OPCML: variants seen among roughly 807,000 people sequenced by gnomAD.
The protein encoded by OPCML is opioid binding protein/cell adhesion molecule like.
A neutral mutation model predicts 37.8 loss-of-function variants in OPCML; 13 were observed. That is an observed-to-expected ratio of 0.34 (90% CI 0.22 to 0.55). The LOEUF (loss-of-function observed/expected upper bound fraction) is 0.55, where lower values mean the gene tolerates loss of function less well. Among genes scored for constraint, OPCML ranks in the 20% least tolerant of loss-of-function variants. The probability of loss-of-function intolerance (pLI) is 0.91; values close to 1 mark genes in which losing one functional copy is unlikely to be tolerated. For missense variants in OPCML, 341 were observed against 435.6 expected (o/e 0.78, Z 1.93); for synonymous variants, 176 against 168.8 (o/e 1.04, Z -0.33).
intron 3 of OPCML, among the ~76,000 whole-genome samples, chr11:132,556,886 C>A (rs1056414295): frequency 6.6e-6 from 1 of 152,140 alleles, no homozygotes; most frequent in African/African-American, 2.4e-5. Flanking sequence ...TATTAAACTC[C>A]ACTTTGTCTT....
intron 1 of OPCML, among the ~76,000 whole-genome samples, chr11:133,308,500 T>C (rs1942984471): frequency 6.6e-6 from 1 of 152,152 alleles, no homozygotes. Context: ...AAGCTATCAA[T>C]ATGGACTCAT....
chr11:133,031,068 C>T (rs35726682), intron 1 of OPCML, among the ~76,000 whole-genome samples: 27 of 152,290 alleles, frequency 1.8e-4, no homozygotes, highest in South Asian at 1.7e-3. Flanking sequence ...TCTGTAAGCA[C>T]GGGCTTTGTT....
chr11:132,844,947 T>TAAA (rs33983059), intron 2 of OPCML, among the ~76,000 whole-genome samples: 134 of 141,816 alleles, frequency 9.4e-4, no homozygotes, highest in East Asian at 1.4e-3. Flanking sequence ...AAAGGAAATG[T>TAAA]AAAAAAAAAA....
intron 3 of OPCML, among the ~76,000 whole-genome samples, chr11:132,558,582 A>G (rs2096403521): frequency 6.8e-6 from 1 of 147,214 alleles, no homozygotes; most frequent in Non-Finnish European, 1.5e-5. Context: ...AACAAGAACA[A>G]CAAGTTTACC....
intron 2 of OPCML, among the ~76,000 whole-genome samples, chr11:132,819,837 G>A (rs775322089): frequency 2.0e-5 from 3 of 152,078 alleles, no homozygotes; most frequent in Non-Finnish European, 4.4e-5. Flanking sequence ...CAAACAGCTC[G>A]CTAAAAAACA....
chr11:132,825,337 C>G (rs1940240860), intron 2 of OPCML, among the ~76,000 whole-genome samples: 1 of 152,136 alleles, frequency 6.6e-6, no homozygotes, highest in East Asian at 1.9e-4. Flanking sequence ...ATTGAAAACC[C>G]TCAACTATGC....
intron 3 of OPCML, among the ~76,000 whole-genome samples, chr11:132,599,329 A>AAGG (rs112219551): frequency 2.0e-5 from 3 of 147,546 alleles, no homozygotes; most frequent in South Asian, 2.2e-4. Flanking sequence ...GGAGGAGAAG[A>AAGG]AGGAGGAGGA....
At chr11:133,470,327 C>T (rs1947075666) in intron 1 of OPCML, among the ~76,000 whole-genome samples, 1 of 152,206 alleles carries the variant, frequency 6.6e-6, no homozygotes, top group South Asian at 2.1e-4. Flanking sequence ...TCTAAGACTG[C>T]ACTAATGAGT....
chr11:133,506,527 C>A (rs999391002), intron 1 of OPCML, among the ~76,000 whole-genome samples: 1 of 152,154 alleles, frequency 6.6e-6, no homozygotes, highest in Non-Finnish European at 1.5e-5. Flanking sequence ...CCTGCTCTGG[C>A]GTTGTGATCC....
At chr11:133,083,054 C>A (rs934773306) in intron 1 of OPCML, among the ~76,000 whole-genome samples, 4 of 108,384 alleles carry the variant, frequency 3.7e-5, no homozygotes, top group African/African-American at 1.2e-4. Context: ...CCTGGTGGAG[C>A]CACAGGGCAC....
chr11:132,711,796 A>G (rs1944273138), intron 2 of OPCML, among the ~76,000 whole-genome samples: 1 of 152,238 alleles, frequency 6.6e-6, no homozygotes, highest in Admixed American at 6.5e-5. Context: ...TACCTTACAT[A>G]TGCTATATGT....
At chr11:132,597,802 T>C (rs1488296570) in intron 3 of OPCML, among the ~76,000 whole-genome samples, 1 of 152,176 alleles carries the variant, frequency 6.6e-6, no homozygotes, top group Non-Finnish European at 1.5e-5. Flanking sequence ...TATATAAGGA[T>C]AAAACACACG....
intron 4 of OPCML, among the ~76,000 whole-genome samples, chr11:132,479,189 G>C (rs2096168598): frequency 6.6e-6 from 1 of 152,130 alleles, no homozygotes; most frequent in African/African-American, 2.4e-5. Context: ...AGCCAAAAAA[G>C]GGCGAGGCAT....
chr11:132,611,192 G>A (rs1938617240), intron 3 of OPCML, among the ~76,000 whole-genome samples: 1 of 152,164 alleles, frequency 6.6e-6, no homozygotes, highest in African/African-American at 2.4e-5. Context: ...GATGTTGTAT[G>A]TTCATTTTGA....
intron 2 of OPCML, among the ~76,000 whole-genome samples, chr11:132,850,516 G>GGTGTGTGTGT (rs66934308): frequency 1.3e-4 from 19 of 148,122 alleles, no homozygotes; most frequent in African/African-American, 4.7e-4. Flanking sequence ...CTGTGGAAAG[G>GGTGTGTGTGT]GTGTGTGTGT....
rs1360541200 is a variant in OPCML at position 133,439,446 on chromosome 11, G to GT, written c.61+92817dup. The GT allele has an allele frequency of 9.1e-6, 9 of 984,620 alleles. No homozygotes were observed. In the Admixed American group the frequency reaches 3.1e-4, roughly 34 times the overall value. 61.0% of individuals were successfully genotyped at this position (984,620 alleles called of 1,614,324 possible). A position where few individuals can be genotyped will look rare whatever the true frequency, so the allele number is the denominator to read the frequency against. On this transcript the variant is annotated intron_variant, in intron 1 of 7. Coordinates refer to ENST00000524381, the MANE Select transcript of OPCML (RefSeq NM_001012393.5). ...TATGAGGCCAACCTAACTCTTTTTT[G>GT]TTTTTTTGTTTTTCTTTGTTTTTGT...
chr11:132,450,332 G>A (rs187118925), intron 4 of OPCML, among the ~76,000 whole-genome samples: 3 of 152,214 alleles, frequency 2.0e-5, no homozygotes, highest in African/African-American at 7.2e-5. Context: ...AAAGAGGAAC[G>A]CAAGGTGACT....
chr11:132,566,584 A>C (rs1195509169), intron 3 of OPCML, among the ~76,000 whole-genome samples: 1 of 152,236 alleles, frequency 6.6e-6, no homozygotes, highest in Non-Finnish European at 1.5e-5. Context: ...TTCAATTTGC[A>C]ACAATAATTT....
chr11:132,720,991 C>A (rs906988626), intron 2 of OPCML, among the ~76,000 whole-genome samples: 3 of 152,066 alleles, frequency 2.0e-5, no homozygotes, highest in Non-Finnish European at 4.4e-5. Flanking sequence ...AGCCAGCAAT[C>A]ATTTAAAATT....
Sources: gnomAD v4.1 joint callset for allele counts (sites outside exome capture counted in the v4.1 genomes callset) on GRCh38, gnomAD v4.1.1 for gene constraint, MANE v1.5 for transcripts, NCBI Gene and HGNC (gene_info 2026-07-23, HGNC 2026-07-21) for gene names.